Variants in BNC2 observed in about 807,000 individuals in gnomAD.
The protein encoded by BNC2 is zinc finger protein basonuclin-2.
BNC2 carries 20 observed loss-of-function variants against 76.3 expected under a neutral mutation model. The observed-to-expected ratio is 0.26, with a 90% confidence interval of 0.18 to 0.38. The LOEUF is 0.38. Ranked by LOEUF, BNC2 falls within the 10% of genes least tolerant of loss-of-function variation. The probability of loss-of-function intolerance (pLI) is 1.00; values close to 1 mark genes in which losing one functional copy is unlikely to be tolerated. For missense variants in BNC2, 1,382 were observed against 1,399.8 expected, an observed-to-expected ratio of 0.99 and a Z score of 0.20; for synonymous variants, 582 against 514.8, an observed-to-expected ratio of 1.13 and a Z score of -1.77.
intron 1 of BNC2, among the ~76,000 whole-genome samples, chr9:16,795,806 A>C (rs903673404): frequency 2.0e-5 from 3 of 152,218 alleles, no homozygotes; most frequent in African/African-American, 2.4e-5. Context: ...GACAGTATGA[A>C]ACTAAAACGT....
intron 3 of BNC2, among the ~76,000 whole-genome samples, chr9:16,676,533 T>G (rs538587885): frequency 6.6e-6 from 1 of 152,356 alleles, no homozygotes; most frequent in East Asian, 1.9e-4. Context: ...GTTAAGTTGG[T>G]TGTCCAAAAT....
At chr9:16,442,637 C>T (rs957079608) in intron 5 of BNC2, among the ~76,000 whole-genome samples, 4 of 152,112 alleles carry the variant, frequency 2.6e-5, no homozygotes, top group Non-Finnish European at 5.9e-5. Flanking sequence ...ATCAGACTGT[C>T]GAGGGACCTC....
At chr9:16,809,576 G>C (rs1817995905) in intron 1 of BNC2, among the ~76,000 whole-genome samples, 1 of 152,084 alleles carries the variant, frequency 6.6e-6, no homozygotes, top group Non-Finnish European at 1.5e-5. Flanking sequence ...TCAATGCACA[G>C]CAATTCAGGA....
chr9:16,694,212 T>C (rs4961736), intron 3 of BNC2, among the ~76,000 whole-genome samples: 2 of 151,974 alleles, frequency 1.3e-5, no homozygotes, highest in Non-Finnish European at 2.9e-5. Flanking sequence ...ATTGAAAAAC[T>C]TATGTGAAAA....
At chr9:16,461,839 C>T (rs963352191) in intron 5 of BNC2, among the ~76,000 whole-genome samples, 4 of 152,184 alleles carry the variant, frequency 2.6e-5, no homozygotes, top group African/African-American at 9.7e-5. Context: ...TTTCTAACAT[C>T]ATCTTGCACC....
intron 1 of BNC2, among the ~76,000 whole-genome samples, chr9:16,828,921 GTA>G (rs1164006803): frequency 6.7e-6 from 1 of 149,714 alleles, no homozygotes; most frequent in Non-Finnish European, 1.5e-5. Flanking sequence ...GATGGACAGC[GTA>G]TGACTAGATG....
intron 5 of BNC2, among the ~76,000 whole-genome samples, chr9:16,446,341 G>C (rs1488824651): frequency 6.6e-6 from 1 of 152,116 alleles, no homozygotes. Flanking sequence ...TTGGATTAAA[G>C]TGGAAGTTTG....
At chr9:16,870,523 G>GCCC in intron 1 of BNC2, 123 bp downstream of exon 1, 3 of 1,108,388 alleles carry the variant, frequency 2.7e-6, no homozygotes, top group Non-Finnish European at 3.9e-6. Flanking sequence ...AGCGCCCCTT[G>GCCC]CCCCTCACGC....
intron 3 of BNC2, among the ~76,000 whole-genome samples, chr9:16,611,066 A>T (rs1043131258): frequency 6.6e-6 from 1 of 152,144 alleles, no homozygotes; most frequent in Non-Finnish European, 1.5e-5. Flanking sequence ...AATTATCCAG[A>T]TCCTTGTCAA....
In BNC2 at chr9:16,662,416, T is replaced by C. The variant is rs376394213; in HGVS notation, c.330+65381A>G. Among the ~76,000 whole-genome samples, 18 of 152,300 alleles carry C rather than the reference T, an allele frequency of 1.2e-4. 1 individual carries two copies. Among genetic ancestry groups the C allele is most frequent in the East Asian group, 3.9e-4 (2 of 5,182 alleles). On this transcript the variant is annotated intron_variant, in intron 3 of 6. Transcript: ENST00000380672. ...TACAATGAGGCATGGTCAGAGGTAA[T>C]TGGCCAGATTTTAACTCATCACAAG...
chr9:16,853,340 A>T (rs1454511590), intron 1 of BNC2, among the ~76,000 whole-genome samples: 1 of 149,698 alleles, frequency 6.7e-6, no homozygotes, highest in Non-Finnish European at 1.5e-5. Flanking sequence ...AGGGAGGTCG[A>T]GGCTGCAGTG....
chr9:16,478,444 CAA>C (rs912911854), intron 5 of BNC2, among the ~76,000 whole-genome samples: 12 of 152,186 alleles, frequency 7.9e-5, no homozygotes, highest in Admixed American at 2.0e-4. Context: ...TGTTAATGAG[CAA>C]AGACACTTTT....
chr9:16,601,084 A>G (rs12004893), intron 3 of BNC2, among the ~76,000 whole-genome samples: 8,882 of 152,254 alleles, frequency 0.058, 910 homozygotes, highest in African/African-American at 0.2. Flanking sequence ...AAGGTTCCAC[A>G]GCACAATCTC....
At chr9:16,538,980 A>G (rs1818215277) in intron 5 of BNC2, among the ~76,000 whole-genome samples, 2 of 152,134 alleles carry the variant, frequency 1.3e-5, no homozygotes, top group Admixed American at 6.5e-5. Flanking sequence ...ACCAACTTCC[A>G]CTAAACTGAA....
At chr9:16,476,207 T>C (rs1821924414) in intron 5 of BNC2, 1 of 152,194 alleles carries the variant, frequency 6.6e-6, no homozygotes, top group African/African-American at 2.4e-5. Flanking sequence ...TAGAGGATGA[T>C]GATTCATTAC....
intron 5 of BNC2, among the ~76,000 whole-genome samples, chr9:16,485,882 C>T (rs1250258855): frequency 6.6e-6 from 1 of 152,140 alleles, no homozygotes. Context: ...ATTTGTACCC[C>T]CAAGGGTACA....
chr9:16,678,030 A>G (rs1056379622), intron 3 of BNC2, among the ~76,000 whole-genome samples: 6 of 152,104 alleles, frequency 3.9e-5, no homozygotes, highest in African/African-American at 1.2e-4. Context: ...GAGGATGAGA[A>G]TCAATTGTAA....
At chr9:16,652,502 G>C (rs1482074480) in intron 3 of BNC2, among the ~76,000 whole-genome samples, 2 of 152,072 alleles carry the variant, frequency 1.3e-5, no homozygotes, top group Admixed American at 6.6e-5. Context: ...TCTACTTTTT[G>C]AAAAATTCAC....
intron 5 of BNC2, among the ~76,000 whole-genome samples, chr9:16,438,942 C>T (rs947587484): frequency 6.6e-6 from 1 of 152,086 alleles, no homozygotes; most frequent in African/African-American, 2.4e-5. Context: ...ATTGTAGCTC[C>T]CATAATCCCC....
Sources: allele counts gnomAD v4.1 joint callset (sites outside exome capture counted in the v4.1 genomes callset), GRCh38; gene constraint gnomAD v4.1.1; transcripts MANE v1.5; gene names NCBI Gene and HGNC (gene_info 2026-07-23, HGNC 2026-07-21).